DNAH12: variants seen among roughly 807,000 people sequenced by gnomAD.
DNAH12 encodes the protein dynein axonemal heavy chain 12.
A neutral mutation model predicts 371.5 loss-of-function variants in DNAH12; 285 were observed. The ratio of observed to expected loss-of-function variants is 0.77; its 90% CI spans 0.70 to 0.85. The LOEUF (loss-of-function observed/expected upper bound fraction) is 0.85. Among genes scored for constraint, DNAH12 ranks in the 40% least tolerant of loss-of-function variants. The probability of loss-of-function intolerance (pLI) is 0.00; values close to 1 mark genes in which losing one functional copy is unlikely to be tolerated. For synonymous variants in DNAH12, 1,200 were observed against 1,213.0 expected (o/e 0.99, Z 0.22); for missense variants, 3,611 against 3,689.4 (o/e 0.98, Z 0.55).
intron 43 of DNAH12, among the ~76,000 whole-genome samples, chr3:57,398,035 AC>A (rs1308340652): frequency 3.3e-5 from 5 of 152,354 alleles, no homozygotes; most frequent in Non-Finnish European, 7.3e-5. Flanking sequence ...GCTGAAAGGA[AC>A]CCAGAGCTAA....
chr3:57,402,763 T>C (rs1361866981), intron 43 of DNAH12, among the ~76,000 whole-genome samples: 1 of 152,168 alleles, frequency 6.6e-6, no homozygotes, highest in Non-Finnish European at 1.5e-5. Flanking sequence ...CAGTGTTCAA[T>C]AGTACAATAG....
intron 19 of DNAH12, among the ~76,000 whole-genome samples, chr3:57,460,489 T>G (rs1348953854): frequency 3.3e-5 from 5 of 152,218 alleles, no homozygotes; most frequent in Admixed American, 1.3e-4. Flanking sequence ...GTCAAGAGAT[T>G]GTCTCATATC....
intron 12 of DNAH12, 116 bp from the exon 13 acceptor site, chr3:57,483,627 C>T: frequency 2.5e-6 from 3 of 1,186,906 alleles, no homozygotes; most frequent in Non-Finnish European, 3.4e-6. Flanking sequence ...AAAAAAATTG[C>T]TTGATTCACT....
chr3:57,453,413 A>G lies in DNAH12; in HGVS notation c.3457-10T>C, dbSNP rs1488541730. ...AATACTTCTTTAATCCCTACAAAAT[A>G]AAAAAAAAAGCAATCTAATTGATGT... is the stretch of plus-strand genomic sequence containing the variant. On this transcript the variant is annotated splice_polypyrimidine_tract_variant and intron_variant, in intron 23 of 73. Transcript: ENST00000495027. 1.7e-6 allele frequency: 2 copies of G among 1,162,494 alleles called. No homozygotes were observed. The highest frequency in any genetic ancestry group is 3.5e-5 in the Admixed American group (1 of 28,478). 72.0% of individuals were successfully genotyped at this position (1,162,494 alleles called of 1,614,324 possible).
intron 29 of DNAH12, among the ~76,000 whole-genome samples, chr3:57,438,881 C>G (rs2065214886): frequency 8.2e-6 from 1 of 122,488 alleles, no homozygotes; most frequent in African/African-American, 3.0e-5. Context: ...TGCCACTGCA[C>G]TCCAGTCTGG....
intron 29 of DNAH12, among the ~76,000 whole-genome samples, chr3:57,444,268 CTTTT>C (rs935152938): frequency 6.6e-6 from 1 of 151,692 alleles, no homozygotes; most frequent in Non-Finnish European, 1.5e-5. Flanking sequence ...AAGAACATTA[CTTTT>C]TTTAATTTTT....
Position 57,468,744 on chromosome 3 carries a change from C to T in DNAH12, c.2341G>A (p.Ala781Thr). 7.0e-7 allele frequency: 1 copy of T among 1,436,090 alleles called. No individual in the cohort carries two copies. The highest frequency in any genetic ancestry group is 9.1e-7 in the Non-Finnish European group (1 of 1,099,186). 89.0% of individuals were successfully genotyped at this position (1,436,090 alleles called of 1,614,324 possible). A position where few individuals can be genotyped will look rare whatever the true frequency, so the allele number is the denominator to read the frequency against. The change falls in exon 17 of 74, where the codon GCT becomes ACT. Residue 781 changes from alanine (A) to threonine (T), a missense_variant. By Grantham distance (58) the Ala-to-Thr change is moderately conservative. Transcript: ENST00000495027. Reference sequence around the variant, plus strand: ...ATTATATATATTTATACCTTAAAAGCTTTTATCTGTTCCATGACTGTACTG... The same window carrying T: ...ATTATATATATTTATACCTTAAAAGTTTTTATCTGTTCCATGACTGTACTG... ...MCSTVMEQIK[A>T]FKEYIPTVSI...
chr3:57,455,323 G>A (rs1048682474), intron 22 of DNAH12, among the ~76,000 whole-genome samples: 21 of 151,860 alleles, frequency 1.4e-4, no homozygotes, highest in African/African-American at 4.1e-4. Flanking sequence ...CCAGCACTTT[G>A]GGAGGCCGAG....
Position 57,435,826 on chromosome 3 carries a change from T to G in DNAH12, c.4655+1125A>C, listed in dbSNP as rs1390045698. Among the ~76,000 whole-genome samples the G allele has an allele frequency of 3.3e-5, 5 of 152,082 alleles. No individual in the cohort carries two copies. The East Asian group carries it at 9.6e-4, about 29-fold the overall frequency. ...AATAAATAATATTTAAAATAATCCT[T>G]GGGTATTGAATGCATAAGGGTTGAT... On this transcript the variant is annotated intron_variant, in intron 30 of 73. Coordinates refer to ENST00000495027, the MANE Select transcript of DNAH12 (RefSeq NM_001366028.2).
At chr3:57,438,031 A>G (rs2317876) in intron 29 of DNAH12, among the ~76,000 whole-genome samples, 97,715 of 152,136 alleles carry the variant, frequency 0.64, 31,619 homozygotes, top group South Asian at 0.78. Context: ...CCACCTGGCC[A>G]GGTGCGGTGG....
chr3:57,363,243 G>A (rs2062976866), intron 58 of DNAH12, among the ~76,000 whole-genome samples: 1 of 151,940 alleles, frequency 6.6e-6, no homozygotes. Flanking sequence ...AGCTGAAACT[G>A]GATACCTATC....
intron 60 of DNAH12, among the ~76,000 whole-genome samples, chr3:57,345,758 A>G (rs539779838): frequency 6.6e-6 from 1 of 152,320 alleles, no homozygotes; most frequent in South Asian, 2.1e-4. Context: ...GCTTTGATAA[A>G]TTTCAACTTT....
upstream of DNAH12, among the ~76,000 whole-genome samples, chr3:57,545,007 T>A (rs1431510876): frequency 2.6e-5 from 4 of 151,346 alleles, no homozygotes; most frequent in African/African-American, 9.8e-5. Context: ...TTTTTTTTTT[T>A]AATGAGAGTA....
chr3:57,462,529 G>C (rs1168772582), intron 18 of DNAH12, among the ~76,000 whole-genome samples, 161 bp downstream of exon 18: 1 of 152,092 alleles, frequency 6.6e-6, no homozygotes, highest in African/African-American at 2.4e-5. Context: ...TAGGATTACA[G>C]ATGTGAGCTA....
chr3:57,443,383 T>C (rs1253103142), intron 29 of DNAH12, among the ~76,000 whole-genome samples: 1 of 152,166 alleles, frequency 6.6e-6, no homozygotes. Flanking sequence ...GTGCTGGGAT[T>C]ATAGGTGTGA....
rs951841033 is a variant in DNAH12 at position 57,462,762 on chromosome 3, C to T, written c.2463G>A (p.Leu821=). The T allele has an allele frequency of 6.4e-7, 1 of 1,551,498 alleles. No homozygotes were observed. The highest frequency in any genetic ancestry group is 2.0e-5 in the Admixed American group (1 of 50,966). ...TAAGGTTTAATTTTAAAACTTTTCT[C>T]AGTGTAGTTCCAGAGTCTGGAGTCA... is the stretch of plus-strand genomic sequence containing the variant. ...YDLTPDSGTT[L]RKVLKLNLTP... The change falls in exon 18 of 74, where the codon CTG becomes CTA. Residue 821 remains leucine, a synonymous_variant. Coordinates refer to ENST00000495027, the MANE Select transcript of DNAH12 (RefSeq NM_001366028.2).
rs756579439 is a variant in DNAH12 at position 57,483,359 on chromosome 3, A to T, written c.1650+17T>A. The T allele has an allele frequency of 4.0e-5, 62 of 1,539,640 alleles. 1 individual carries two copies. In the East Asian group the frequency reaches 1.2e-3, roughly 30 times the overall value. ...ACAATGAAAACAAACCAAAATATGC[A>T]AATTAAAATTCCTTACCTGGATCCT... On this transcript the variant is annotated intron_variant, in intron 13 of 73. Coordinates refer to ENST00000495027, the MANE Select transcript of DNAH12 (RefSeq NM_001366028.2).
At chr3:57,511,669 C>T (rs575361600) in intron 4 of DNAH12, among the ~76,000 whole-genome samples, 1 of 152,112 alleles carries the variant, frequency 6.6e-6, no homozygotes, top group Non-Finnish European at 1.5e-5. Flanking sequence ...GGAGGGCTAG[C>T]CCTAGGAGAC....
chr3:57,320,438 T>C (rs2061780329), intron 65 of DNAH12, among the ~76,000 whole-genome samples: 2 of 152,220 alleles, frequency 1.3e-5, no homozygotes, highest in African/African-American at 2.4e-5. Context: ...TTATCATTGC[T>C]AGGTAATTCA....
Sources: gnomAD v4.1 joint callset for allele counts (sites outside exome capture counted in the v4.1 genomes callset) on GRCh38, gnomAD v4.1.1 for gene constraint, MANE v1.5 for transcripts, NCBI Gene and HGNC (gene_info 2026-07-23, HGNC 2026-07-21) for gene names.